The following PRKCB variants were observed in gnomAD, a reference collection of about 807,000 sequenced individuals.
PRKCB encodes protein kinase C beta type.
In PRKCB, 13 loss-of-function variants were observed where a neutral mutation model predicts 81.5. The ratio of observed to expected loss-of-function variants is 0.16; its 90% CI spans 0.10 to 0.25. PRKCB has a LOEUF of 0.25. Among genes scored for constraint, PRKCB ranks in the 10% least tolerant of loss-of-function variants. The pLI is 1.00. For missense variants in PRKCB, 509 were observed against 875.7 expected (o/e 0.58, Z 5.29); for synonymous variants, 335 against 321.4 (o/e 1.04, Z -0.45).
chr16:24,151,892 C>G (rs565389491), intron 9 of PRKCB: 2 of 455,126 alleles, frequency 4.4e-6, no homozygotes, highest in African/African-American at 4.0e-5. Context: ...ACCCCTGTCC[C>G]TGGTGAAGGG....
chr16:23,937,424 G>T (rs576335358), intron 2 of PRKCB, among the ~76,000 whole-genome samples: 6 of 152,298 alleles, frequency 3.9e-5, no homozygotes, highest in African/African-American at 1.2e-4. Flanking sequence ...GCCAAGCAAA[G>T]ACTGAGTCTT....
chr16:24,172,300 A>G lies in PRKCB; in HGVS notation c.1270A>G (p.Asn424Asp). The change falls in exon 11 of 17, where the codon AAT becomes GAT. Residue 424 changes from asparagine (N) to aspartate (D), a missense_variant. Transcript: ENST00000643927. ...CCTGTACTTTGTGATGGAGTACGTGAATGGGGGCGACCTCATGTATCACAT... is the reference window on the plus strand; with the variant it reads ...CCTGTACTTTGTGATGGAGTACGTGGATGGGGGCGACCTCATGTATCACAT... ...DRLYFVMEYVNGGDLMYHIQQ... is the reference protein window; with the variant it reads ...DRLYFVMEYVDGGDLMYHIQQ... 1 of 1,614,008 alleles carries G rather than the reference A, an allele frequency of 6.2e-7. No homozygotes were observed. Among genetic ancestry groups the G allele is most frequent in the Non-Finnish European group, 8.5e-7 (1 of 1,179,964 alleles).
At chr16:23,903,177 A>G (rs1344571126) in intron 2 of PRKCB, among the ~76,000 whole-genome samples, 1 of 151,750 alleles carries the variant, frequency 6.6e-6, no homozygotes, top group Non-Finnish European at 1.5e-5. Flanking sequence ...GCTGTGGTAA[A>G]GAGCCCCGCT....
At chr16:24,009,591 A>ATT (rs143129853) in intron 3 of PRKCB, among the ~76,000 whole-genome samples, 39 of 148,204 alleles carry the variant, frequency 2.6e-4, no homozygotes, top group South Asian at 6.4e-4. Flanking sequence ...CGCCCGGCCT[A>ATT]TTTTTTTTTT....
chr16:24,190,390 G>A (rs1967771629), intron 15 of PRKCB, among the ~76,000 whole-genome samples: 2 of 151,784 alleles, frequency 1.3e-5, no homozygotes, highest in Non-Finnish European at 2.9e-5. Flanking sequence ...GAAGTTTGAA[G>A]ATATTGAAAC....
intron 12 of PRKCB, 96 bp downstream of exon 12, chr16:24,174,676 G>C: frequency 8.4e-7 from 1 of 1,183,796 alleles, no homozygotes; most frequent in Non-Finnish European, 1.2e-6. Flanking sequence ...TAGAATCCGC[G>C]GTGGGGGAGG....
At chr16:23,929,004 A>G (rs1280272357) in intron 2 of PRKCB, among the ~76,000 whole-genome samples, 1 of 152,134 alleles carries the variant, frequency 6.6e-6, no homozygotes, top group Non-Finnish European at 1.5e-5. Context: ...GGCGTGAGCC[A>G]CTGCGCCAGG....
chr16:23,885,984 G>T (rs1180804320), intron 2 of PRKCB, among the ~76,000 whole-genome samples: 1 of 152,150 alleles, frequency 6.6e-6, no homozygotes, highest in Non-Finnish European at 1.5e-5. Flanking sequence ...TTGATTGATT[G>T]CCATGTGCTG....
chr16:24,153,506 C>T (rs1967109128), intron 9 of PRKCB, among the ~76,000 whole-genome samples: 2 of 152,244 alleles, frequency 1.3e-5, no homozygotes, highest in South Asian at 4.1e-4. Context: ...GGAAGCCTTC[C>T]TAGAAGTCCC....
At chr16:23,860,411 C>A (rs1962646732) in intron 2 of PRKCB, among the ~76,000 whole-genome samples, 2 of 151,972 alleles carry the variant, frequency 1.3e-5, no homozygotes, top group African/African-American at 4.8e-5. Context: ...TGTGCCATAT[C>A]CGGGTGTAGG....
intron 5 of PRKCB, among the ~76,000 whole-genome samples, chr16:24,083,628 T>C (rs1376842090): frequency 6.6e-6 from 1 of 152,140 alleles, no homozygotes; most frequent in Non-Finnish European, 1.5e-5. Context: ...CTTGAAAAGA[T>C]AAAACTGTAG....
At chr16:24,095,900 C>T (rs927566920) in intron 7 of PRKCB, among the ~76,000 whole-genome samples, 1 of 152,136 alleles carries the variant, frequency 6.6e-6, no homozygotes, top group Non-Finnish European at 1.5e-5. Context: ...TCCTTTATGT[C>T]TACACCTTAG....
chr16:23,883,537 A>G (rs964980749), intron 2 of PRKCB, among the ~76,000 whole-genome samples: 8 of 152,150 alleles, frequency 5.3e-5, no homozygotes, highest in African/African-American at 1.9e-4. Context: ...TATTTAACAC[A>G]CCTTCCATTG....
At chr16:24,062,564 C>T (rs1174198317) in intron 5 of PRKCB, among the ~76,000 whole-genome samples, 1 of 152,298 alleles carries the variant, frequency 6.6e-6, no homozygotes, top group East Asian at 1.9e-4. Context: ...GCCAAGTAGT[C>T]CCATTTTATA....
chr16:23,914,428 A>G (rs1374698652), intron 2 of PRKCB, among the ~76,000 whole-genome samples: 1 of 152,110 alleles, frequency 6.6e-6, no homozygotes, highest in Non-Finnish European at 1.5e-5. Flanking sequence ...ATCATAAGTC[A>G]CTGTCTTGAA....
chr16:23,899,080 T>C (rs1597234934), intron 2 of PRKCB, among the ~76,000 whole-genome samples: 2 of 152,314 alleles, frequency 1.3e-5, no homozygotes, highest in African/African-American at 4.8e-5. Flanking sequence ...TTGGACCCTG[T>C]TGATGATTTC....
intron 2 of PRKCB, among the ~76,000 whole-genome samples, chr16:23,867,510 T>G (rs1211901281): frequency 1.3e-5 from 2 of 152,228 alleles, no homozygotes; most frequent in African/African-American, 4.8e-5. Context: ...CCTCCCCACT[T>G]TTTTATAATT....
Position 24,219,907 on chromosome 16 carries a change from G to A in PRKCB, c.*5091G>A. Reference sequence around the variant, plus strand: ...GCCACCCAATGACTGGCGTATCTTGGTCCTGTGTCTTTCTTCTTACGCTGT... The same window carrying A: ...GCCACCCAATGACTGGCGTATCTTGATCCTGTGTCTTTCTTCTTACGCTGT... On this transcript the variant is annotated 3_prime_UTR_variant, in exon 17 of 17. Transcript: ENST00000643927. 1 of 1,593,358 alleles carries A rather than the reference G, an allele frequency of 6.3e-7. No homozygotes were observed. The highest frequency in any genetic ancestry group is 1.7e-4 in the Middle Eastern group (1 of 6,000).
chr16:23,872,356 A>G (rs1458406027), intron 2 of PRKCB, among the ~76,000 whole-genome samples: 1 of 152,198 alleles, frequency 6.6e-6, no homozygotes, highest in Admixed American at 6.5e-5. Context: ...CGTCTTTACA[A>G]AAAATTTTTA....
Sources: gnomAD v4.1 joint callset for allele counts (sites outside exome capture counted in the v4.1 genomes callset) on GRCh38, gnomAD v4.1.1 for gene constraint, MANE v1.5 for transcripts, NCBI Gene and HGNC (gene_info 2026-07-23, HGNC 2026-07-21) for gene names.